Variants in NSUN7 observed in about 807,000 individuals in gnomAD.
The protein encoded by NSUN7 is NOP2/Sun RNA methyltransferase family member 7.
In NSUN7, 39 loss-of-function variants were observed where a neutral mutation model predicts 58.5. The ratio of observed to expected loss-of-function variants is 0.67; its 90% CI spans 0.52 to 0.87. The LOEUF is 0.87. Among genes scored for constraint, NSUN7 ranks in the 40% least tolerant of loss-of-function variants. NSUN7 has a pLI of 0.00. For missense variants in NSUN7, 765 were observed against 844.1 expected, an observed-to-expected ratio of 0.91 and a Z score of 1.16; for synonymous variants, 278 against 303.7, an observed-to-expected ratio of 0.92 and a Z score of 0.88.
In NSUN7 at chr4:40,775,962, G is replaced by A; in HGVS notation, c.826-87G>A. On this transcript the variant is annotated intron_variant, in intron 6 of 11. Coordinates refer to ENST00000381782, the MANE Select transcript of NSUN7 (RefSeq NM_024677.6). This position sits in a 1 kb window ranked among gnomAD's most constrained non-coding sequence, Gnocchi z 4.3. ...GTTAGGTCTCTAATATTACTATGAG[G>A]TACTTTCTTTTATGTAAAGCAAATA... 1.3e-6 allele frequency: 1 copy of A among 766,526 alleles called. No homozygotes were observed. Among genetic ancestry groups the A allele is most frequent in the Non-Finnish European group, 2.0e-6 (1 of 489,782 alleles). The allele number at this position is 766,526 out of a possible 1,614,324, so 47.5% of individuals were successfully genotyped here. A position where few individuals can be genotyped will look rare whatever the true frequency, so the allele number is the denominator to read the frequency against.
At chr4:40,761,910 A>G (rs1053456487) in intron 4 of NSUN7, among the ~76,000 whole-genome samples, 1 of 152,210 alleles carries the variant, frequency 6.6e-6, no homozygotes, top group African/African-American at 2.4e-5. Context: ...GTTAAGTGTT[A>G]CTGTTTGCTA....
intron 8 of NSUN7, among the ~76,000 whole-genome samples, chr4:40,794,067 G>A (rs1041654091): frequency 6.6e-6 from 1 of 152,016 alleles, no homozygotes; most frequent in Non-Finnish European, 1.5e-5. Context: ...CGAGACTGAC[G>A]GCATTTTCTC....
At chr4:40,773,045 G>T (rs1323628468) in intron 4 of NSUN7, 1 of 152,250 alleles carries the variant, frequency 6.6e-6, no homozygotes, top group Middle Eastern at 3.4e-3. Context: ...TTGTGATTTG[G>T]AATTTTGAAG....
At chr4:40,798,692 T>C (rs987203862) in intron 9 of NSUN7, 95 bp from the exon 10 acceptor site, 1 of 593,580 alleles carries the variant, frequency 1.7e-6, no homozygotes, top group Non-Finnish European at 2.9e-6. Context: ...CAAAACCATG[T>C]GGTATTAGTA....
intron 2 of NSUN7, among the ~76,000 whole-genome samples, chr4:40,757,727 C>CATTGTGTGTGTGTGTATATAT (rs1560545119): frequency 4.5e-4 from 4 of 8,810 alleles, no homozygotes; most frequent in African/African-American, 1.5e-3. Flanking sequence ...TGTATATATA[C>CATTGTGTGTGTGTGTATATAT]ACACACACAC....
intron 3 of NSUN7, 96 bp downstream of exon 3, chr4:40,760,588 C>G: frequency 3.1e-6 from 3 of 967,598 alleles, no homozygotes; most frequent in Non-Finnish European, 4.7e-6. Context: ...TGAGGCCGGG[C>G]GCAGTGGCTC....
intron 7 of NSUN7, chr4:40,786,154 C>T: frequency 6.2e-7 from 1 of 1,612,118 alleles, no homozygotes; most frequent in Non-Finnish European, 8.5e-7. Context: ...CCTGTCCAAC[C>T]TGCCTTCATT....
chr4:40,784,779 G>A (rs1464916246), intron 7 of NSUN7, among the ~76,000 whole-genome samples: 1 of 152,178 alleles, frequency 6.6e-6, no homozygotes, highest in Non-Finnish European at 1.5e-5. Context: ...AAGAAAATCA[G>A]TCAGAACCAA....
chr4:40,797,645 G>A (rs1372675477), intron 9 of NSUN7, among the ~76,000 whole-genome samples: 7 of 152,104 alleles, frequency 4.6e-5, no homozygotes, highest in Non-Finnish European at 1.0e-4. Flanking sequence ...CCACTACCAC[G>A]GTGTCCAAAC....
rs552219676 is a variant in NSUN7, at chr4:40,786,473, T to C, written c.1037-4129T>C. ...ACTGAACTTCACAAAATAAATAGGA[T>C]ATCAGAAAATCAAGGAGTCCCTGTA... On this transcript the variant is annotated intron_variant, in intron 7 of 11. Coordinates refer to ENST00000381782, the MANE Select transcript of NSUN7 (RefSeq NM_024677.6). 1.6e-5 allele frequency: 25 copies of C among 1,612,680 alleles called. No homozygotes were observed. In the African/African-American group the frequency reaches 3.3e-4, roughly 22 times the overall value.
At chr4:40,794,550 T>G in intron 9 of NSUN7, 74 bp downstream of exon 9, 2 of 891,538 alleles carry the variant, frequency 2.2e-6, no homozygotes, top group Non-Finnish European at 3.6e-6. Context: ...CACGATCTAT[T>G]ATAATCAAGC....
At chr4:40,783,286 T>C (rs1282666657) in intron 7 of NSUN7, among the ~76,000 whole-genome samples, 1 of 152,224 alleles carries the variant, frequency 6.6e-6, no homozygotes, top group Non-Finnish European at 1.5e-5. Flanking sequence ...TTTCAACAAA[T>C]GGTGCTGGGA....
In NSUN7 at chr4:40,790,645, G is replaced by C. The variant is rs762128573; in HGVS notation, c.1080G>C (p.Lys360Asn). Residue 360 changes from lysine (K) to asparagine (N), a missense_variant, in exon 8 of 12, where the codon AAG becomes AAC. Coordinates refer to ENST00000381782, the MANE Select transcript of NSUN7 (RefSeq NM_024677.6). ...AGAAATTTATTAACATTGAATCAAA[G>C]GATCACAGGTTACAGAAAGTTAAAG... ...LHEKFINIESKDHRLQKVKVI... is the reference protein window; with the variant it reads ...LHEKFINIESNDHRLQKVKVI... 1.3e-6 allele frequency: 2 copies of C among 1,590,774 alleles called. No individual in the cohort carries two copies. The highest frequency in any genetic ancestry group is 1.7e-6 in the Non-Finnish European group (2 of 1,165,022).
At chr4:40,787,255 C>G (rs1481141348) in intron 7 of NSUN7, among the ~76,000 whole-genome samples, 2 of 151,718 alleles carry the variant, frequency 1.3e-5, no homozygotes, top group Non-Finnish European at 2.9e-5. Context: ...CTGACCTTCT[C>G]TCCACTATTA....
intron 7 of NSUN7, among the ~76,000 whole-genome samples, chr4:40,781,502 A>G (rs1488105071): frequency 1.3e-5 from 2 of 152,146 alleles, no homozygotes; most frequent in Non-Finnish European, 2.9e-5. Flanking sequence ...GCTGGAGTGC[A>G]GTGGGGCAAT....
At chr4:40,792,649 G>A (rs1211033761) in intron 8 of NSUN7, among the ~76,000 whole-genome samples, 2 of 152,156 alleles carry the variant, frequency 1.3e-5, no homozygotes, top group African/African-American at 4.8e-5. Context: ...TACTCGGGAG[G>A]CTGAGGCAGG....
intron 7 of NSUN7, chr4:40,786,426 C>A: frequency 1.2e-6 from 2 of 1,611,820 alleles, no homozygotes; most frequent in East Asian, 4.5e-5. Context: ...CTGTTGATGT[C>A]GAAAGGATGG....
At chr4:40,778,451 G>A (rs1742372056) in intron 7 of NSUN7, among the ~76,000 whole-genome samples, 1 of 152,206 alleles carries the variant, frequency 6.6e-6, no homozygotes, top group Non-Finnish European at 1.5e-5. Flanking sequence ...GGGGCCTTTG[G>A]GAAATTGTGA....
At chr4:40,793,221 C>T (rs1213451847) in intron 8 of NSUN7, among the ~76,000 whole-genome samples, 2 of 152,102 alleles carry the variant, frequency 1.3e-5, no homozygotes, top group African/African-American at 4.8e-5. Context: ...GTGGGTAGAT[C>T]GGTTGAGGCC....
Sources: allele counts gnomAD v4.1 joint callset (sites outside exome capture counted in the v4.1 genomes callset), GRCh38; gene constraint gnomAD v4.1.1; non-coding constraint Gnocchi (gnomAD v3.1); transcripts MANE v1.5; gene names NCBI Gene and HGNC (gene_info 2026-07-23, HGNC 2026-07-21).